The following ABCC11 variants were observed in gnomAD, a reference collection of about 807,000 sequenced individuals.
The protein encoded by ABCC11 is ATP binding cassette subfamily C member 11, also known as ATP-binding cassette sub-family C member 11.
ABCC11 carries 135 observed loss-of-function variants against 149.3 expected under a neutral mutation model. The ratio of observed to expected loss-of-function variants is 0.90; its 90% CI spans 0.79 to 1.04. ABCC11 has a LOEUF of 1.04. Ranked by LOEUF, ABCC11 falls within the 50% of genes least tolerant of loss-of-function variation. ABCC11 has a pLI of 0.00. For synonymous variants in ABCC11, 665 were observed against 671.4 expected (o/e 0.99, Z 0.15); for missense variants, 1,680 against 1,722.1 (o/e 0.98, Z 0.43).
chr16:48,221,679 C>A (rs1323137225), intron 6 of ABCC11, among the ~76,000 whole-genome samples: 1 of 152,158 alleles, frequency 6.6e-6, no homozygotes, highest in African/African-American at 2.4e-5. Flanking sequence ...TGTTCAGGGG[C>A]CTATCCCCAG....
chr16:48,214,908 G>A lies in ABCC11; in HGVS notation c.1221C>T (p.Ser407=). 6.2e-7 allele frequency: 1 copy of A among 1,614,210 alleles called. No homozygotes were observed. ...TTGACGCTGTGAGTTTCAGCTTTAA[G>A]GATGTGTGGATGAGAACCCAGACCG... The part of the protein sequence containing the change: ...ATAVWVLIHT[S]LKLKLTASMA... The change falls in exon 9 of 30, where the codon TCC becomes TCT. Residue 407 remains serine, a synonymous_variant. Coordinates refer to ENST00000356608, the MANE Select transcript of ABCC11 (RefSeq NM_001370497.1).
At chr16:48,208,964 G>T (rs1443704314) in intron 11 of ABCC11, among the ~76,000 whole-genome samples, 3 of 152,148 alleles carry the variant, frequency 2.0e-5, no homozygotes, top group Non-Finnish European at 4.4e-5. Flanking sequence ...ATGAAGAAAA[G>T]ACCTCACATT....
rs893365920 is a variant in ABCC11 at position 48,182,501 on chromosome 16, G to A, written c.3258+1939C>T. The stretch of plus-strand genomic sequence containing the variant: ...TGGTTAAGAACATGTAGTTTGGGGC[G>A]GGGCGCGGTGGCTCACACCTGTAAT... On this transcript the variant is annotated intron_variant, in intron 23 of 29. Coordinates refer to ENST00000356608, the MANE Select transcript of ABCC11 (RefSeq NM_001370497.1). 5.3e-5 allele frequency among the ~76,000 whole-genome samples: 8 copies of A among 152,258 alleles called. 1 individual carries two copies. The highest frequency in any genetic ancestry group is 3.3e-4 in the Admixed American group (5 of 15,292).
chr16:48,207,637 T>G (rs8046814), intron 12 of ABCC11, among the ~76,000 whole-genome samples: 2 of 149,644 alleles, frequency 1.3e-5, no homozygotes, highest in Non-Finnish European at 3.0e-5. Flanking sequence ...ATTGCACTCC[T>G]GACTGGATGT....
chr16:48,165,053 T>C (rs1804168864), downstream of ABCC11: 1 of 152,108 alleles, frequency 6.6e-6, no homozygotes, highest in Non-Finnish European at 1.5e-5. Flanking sequence ...GAGGCTGCCA[T>C]CTGCTGGTCG....
chr16:48,233,475 AAAGAG>A (rs1261536116), intron 1 of ABCC11, among the ~76,000 whole-genome samples: 1 of 152,198 alleles, frequency 6.6e-6, no homozygotes, highest in African/African-American at 2.4e-5. Flanking sequence ...GGATGATAGA[AAAGAG>A]AAAAGAGAGA....
At chr16:48,230,314 CT>C in intron 3 of ABCC11, 122 bp downstream of exon 3, 1 of 1,236,808 alleles carries the variant, frequency 8.1e-7, no homozygotes, top group Admixed American at 2.9e-5. Flanking sequence ...TCAGGCTGCT[CT>C]GAAGGGATTT....
intron 1 of ABCC11, among the ~76,000 whole-genome samples, chr16:48,239,910 C>G (rs1970876735): frequency 1.3e-5 from 2 of 152,064 alleles, no homozygotes; most frequent in South Asian, 2.1e-4. Flanking sequence ...ATGTGGCCAA[C>G]AAACATGAAA....
At position 48,184,772 on chromosome 16, in the gene ABCC11, T is replaced by C. The variant is rs1966655449; in HGVS notation, c.3072-146A>G. 3 of 794,732 alleles carry C rather than the reference T, an allele frequency of 3.8e-6. No homozygotes were observed. The South Asian group carries it at 5.7e-5, about 15-fold the overall frequency. The allele number at this position is 794,732 out of a possible 1,614,324, so 49.2% of individuals were successfully genotyped here. On this transcript the variant is annotated intron_variant, in intron 22 of 29. Coordinates refer to ENST00000356608, the MANE Select transcript of ABCC11 (RefSeq NM_001370497.1). Reference sequence around the variant, plus strand: ...GATTTTTCTTTGGGGAGTTCCTCCCTACCCCTTTCTCAGCCATGAATTTGG... The same window carrying C: ...GATTTTTCTTTGGGGAGTTCCTCCCCACCCCTTTCTCAGCCATGAATTTGG...
chr16:48,222,373 T>C (rs922143214), intron 6 of ABCC11, among the ~76,000 whole-genome samples: 4 of 152,220 alleles, frequency 2.6e-5, no homozygotes, highest in African/African-American at 9.7e-5. Flanking sequence ...ATAAATCCTC[T>C]CTAGTCTCTG....
In ABCC11 at chr16:48,211,113, C is replaced by G. The variant is rs567749616; in HGVS notation, c.1443G>C (p.Leu481Phe). 6.2e-7 allele frequency: 1 copy of G among 1,614,214 alleles called. No homozygotes were observed. The highest frequency in any genetic ancestry group is 8.5e-7 in the Non-Finnish European group (1 of 1,180,038). The change falls in exon 11 of 30, where the codon TTG (leucine) becomes TTC (phenylalanine). Residue 481 changes from leucine to phenylalanine, a missense_variant. By Grantham distance (22) the Leu-to-Phe change is conservative (BLOSUM62 0). Coordinates refer to ENST00000356608, the MANE Select transcript of ABCC11 (RefSeq NM_001370497.1). Reference protein sequence around the residue: ...SKALVFEEATLSWQQTCPGIV... With the variant: ...SKALVFEEATFSWQQTCPGIV... Reference sequence around the variant, plus strand: ...TCCCGGGACAGGTCTGTTGCCATGACAAGGTGGCCTCCTCAAAGACCAGAG... The same window carrying G: ...TCCCGGGACAGGTCTGTTGCCATGAGAAGGTGGCCTCCTCAAAGACCAGAG...
intron 6 of ABCC11, among the ~76,000 whole-genome samples, chr16:48,216,853 A>C (rs1238216497): frequency 1.3e-5 from 2 of 152,234 alleles, no homozygotes; most frequent in African/African-American, 2.4e-5. Context: ...CACATATTTC[A>C]TACTAATTCC....
chr16:48,202,881 T>A (rs534879774), intron 14 of ABCC11, among the ~76,000 whole-genome samples: 5 of 152,180 alleles, frequency 3.3e-5, no homozygotes, highest in Non-Finnish European at 7.3e-5. Context: ...AGTCAGAAAT[T>A]TCCCCTGAGG....
Position 48,198,256 on chromosome 16 carries a change from T to C in ABCC11, c.2102A>G (p.Gln701Arg). 6.2e-7 allele frequency: 1 copy of C among 1,614,254 alleles called. No individual in the cohort carries two copies. Among genetic ancestry groups the C allele is most frequent in the Non-Finnish European group, 8.5e-7 (1 of 1,180,050 alleles). The change falls in exon 16 of 30, where the codon CAG (glutamine) becomes CGG (arginine). Residue 701 changes from glutamine (Q) to arginine (R), a missense_variant. Gln to Arg is a conservative substitution (Grantham distance 43, BLOSUM62 1). Coordinates refer to ENST00000356608, the MANE Select transcript of ABCC11 (RefSeq NM_001370497.1). Reference protein sequence around the residue: ...HQLQYLEFCGQIILLENGKIC... With the variant: ...HQLQYLEFCGRIILLENGKIC... The stretch of plus-strand genomic sequence containing the variant: ...TTTCCCATTTTCCAACAAAATGATC[T>C]GGCCACAAAATTCTAAGTACTGGAC...
chr16:48,230,968 C>T (rs1251900269), intron 2 of ABCC11, among the ~76,000 whole-genome samples: 1 of 151,988 alleles, frequency 6.6e-6, no homozygotes. Context: ...CTTTTGACAA[C>T]TAAAATAAAA....
At position 48,240,010 on chromosome 16, in the gene ABCC11, A is replaced by C. The variant is rs575821958; in HGVS notation, c.-19+7304T>G. 2.6e-5 allele frequency among the ~76,000 whole-genome samples: 4 copies of C among 152,360 alleles called. 1 individual carries two copies. The South Asian group carries it at 8.3e-4, about 32-fold the overall frequency. ...CACCAGTCAGAATGGCAATTATTAA[A>C]AAGTCAAGAAACAATAGATGCTGGC... On this transcript the variant is annotated intron_variant, in intron 1 of 29. Coordinates refer to ENST00000356608, the MANE Select transcript of ABCC11 (RefSeq NM_001370497.1).
intron 13 of ABCC11, among the ~76,000 whole-genome samples, chr16:48,204,176 G>C (rs1453666876): frequency 6.6e-6 from 1 of 152,168 alleles, no homozygotes; most frequent in Non-Finnish European, 1.5e-5. Flanking sequence ...TGAGTCAAAG[G>C]GTTGGTGCAT....
chr16:48,227,943 C>G lies in ABCC11; in HGVS notation c.258G>C (p.Leu86=). The G allele has an allele frequency of 6.2e-7, 1 of 1,613,376 alleles. No homozygotes were observed. The highest frequency in any genetic ancestry group is 8.5e-7 in the Non-Finnish European group (1 of 1,179,678). The change falls in exon 4 of 30, where the codon CTG becomes CTC. Residue 86 remains leucine (L), a synonymous_variant. Transcript: ENST00000356608. The part of the protein sequence containing the change: ...PKPRFPAPQP[L]DNAGLFSYLT... ...GGTAGGAGAACAGGCCAGCATTGTC[C>G]AGGGGCTGGGGGGCAGGAAACCTAG...
intron 19 of ABCC11, 85 bp downstream of exon 19, chr16:48,193,794 G>T: frequency 8.9e-7 from 1 of 1,120,200 alleles, no homozygotes; most frequent in South Asian, 1.4e-5. Context: ...GCCATGCTCT[G>T]GCTCTTGTGG....
Sources: allele counts gnomAD v4.1 joint callset (sites outside exome capture counted in the v4.1 genomes callset), GRCh38; gene constraint gnomAD v4.1.1; transcripts MANE v1.5; gene names NCBI Gene and HGNC (gene_info 2026-07-23, HGNC 2026-07-21).